Variants in FGF12 observed in about 807,000 individuals in gnomAD.
FGF12 encodes the protein fibroblast growth factor 12.
A neutral mutation model predicts 23.6 loss-of-function variants in FGF12; 14 were observed. That is an observed-to-expected ratio of 0.59 (90% CI 0.39 to 0.93). The LOEUF is 0.93. Among genes scored for constraint, FGF12 ranks in the 40% least tolerant of loss-of-function variants. FGF12 has a pLI of 0.00. For synonymous variants in FGF12, 62 were observed against 77.3 expected, an observed-to-expected ratio of 0.80 and a Z score of 1.04; for missense variants, 175 against 217.8, an observed-to-expected ratio of 0.80 and a Z score of 1.24.
chr3:192,218,398 T>C (rs1718306592), intron 4 of FGF12, among the ~76,000 whole-genome samples: 8 of 152,078 alleles, frequency 5.3e-5, no homozygotes. Context: ...TGTTGGGAGG[T>C]GATGGATCAT....
chr3:192,386,152 A>C (rs1201945940), intron 2 of FGF12, among the ~76,000 whole-genome samples: 6 of 152,224 alleles, frequency 3.9e-5, no homozygotes, highest in Non-Finnish European at 7.3e-5. Context: ...ACATGAACAC[A>C]GTCTTCTCTT....
At chr3:192,452,966 T>C (rs1722571464) in intron 2 of FGF12, among the ~76,000 whole-genome samples, 1 of 152,240 alleles carries the variant, frequency 6.6e-6, no homozygotes, top group South Asian at 2.1e-4. Context: ...TCTTTGTGTA[T>C]CTATGATGCG....
intron 4 of FGF12, among the ~76,000 whole-genome samples, chr3:192,311,321 T>A (rs529775243): frequency 6.6e-6 from 1 of 152,178 alleles, no homozygotes; most frequent in African/African-American, 2.4e-5. Context: ...CCCATCCCCA[T>A]TCAGTGCTAT....
At chr3:192,579,236 G>T (rs1011967087) in intron 2 of FGF12, among the ~76,000 whole-genome samples, 1 of 152,108 alleles carries the variant, frequency 6.6e-6, no homozygotes, top group African/African-American at 2.4e-5. Context: ...TAATAAGCCT[G>T]TTTCCAATAA....
rs138155311 is a variant in FGF12, at chr3:192,163,782, T to C, written c.427+6676A>G. ...AGATTCTATGAGCTTAAAGCACCAA[T>C]TCTAACAAAGAAAATGGAAACCATG... On this transcript the variant is annotated intron_variant, in intron 5 of 5. Coordinates refer to ENST00000445105, the MANE Select transcript of FGF12 (RefSeq NM_004113.6). 1.2e-3 allele frequency among the ~76,000 whole-genome samples: 182 copies of C among 151,826 alleles called. 8 individuals carry two copies. In the East Asian group the frequency reaches 0.032, roughly 26 times the overall value.
intron 2 of FGF12, among the ~76,000 whole-genome samples, chr3:192,531,562 G>T (rs755713763): frequency 2.0e-5 from 3 of 151,534 alleles, no homozygotes; most frequent in Non-Finnish European, 2.9e-5. Context: ...CTTTTTCTCC[G>T]GTCAGAACCT....
intron 2 of FGF12, among the ~76,000 whole-genome samples, chr3:192,390,098 C>T (rs886724977): frequency 2.0e-5 from 3 of 152,298 alleles, no homozygotes; most frequent in South Asian, 2.1e-4. Flanking sequence ...TTCTAGCACA[C>T]TATGTGAAAA....
intron 4 of FGF12, among the ~76,000 whole-genome samples, chr3:192,228,997 G>C (rs1368716299): frequency 1.3e-5 from 2 of 151,984 alleles, no homozygotes; most frequent in East Asian, 3.9e-4. Flanking sequence ...TCATGTTACA[G>C]TTGATCAGAT....
chr3:192,695,603 A>G (rs1718093397), intron 2 of FGF12, among the ~76,000 whole-genome samples: 1 of 152,188 alleles, frequency 6.6e-6, no homozygotes, highest in Non-Finnish European at 1.5e-5. Context: ...TGAGAATTCA[A>G]CCTGAGATCA....
intron 2 of FGF12, among the ~76,000 whole-genome samples, chr3:192,643,444 G>A (rs1310028529): frequency 6.6e-6 from 1 of 152,168 alleles, no homozygotes; most frequent in African/African-American, 2.4e-5. Context: ...TCTGCAATCT[G>A]GCCCCAATCT....
rs1716743659 is a variant in FGF12 at position 192,324,983 on chromosome 3, A to AG, written c.228+10377dup. Among the ~76,000 whole-genome samples, 10 of 152,328 alleles carry AG rather than the reference A, an allele frequency of 6.6e-5. No homozygotes were observed. In the South Asian group the frequency reaches 2.1e-3, roughly 32 times the overall value. ...CATTTTCCATAAGTTATAAACTCTT[A>AG]GAAAAAAAACCAACACTATTTACTA... On this transcript the variant is annotated intron_variant, in intron 4 of 5. Coordinates refer to ENST00000445105, the MANE Select transcript of FGF12 (RefSeq NM_004113.6).
At chr3:192,362,039 T>G (rs1284339466) in intron 2 of FGF12, among the ~76,000 whole-genome samples, 1 of 152,210 alleles carries the variant, frequency 6.6e-6, no homozygotes, top group East Asian at 1.9e-4. Context: ...AATCTGGAAG[T>G]TAAGCTGAAT....
At chr3:192,658,159 G>A (rs533862401) in intron 2 of FGF12, among the ~76,000 whole-genome samples, 1 of 152,162 alleles carries the variant, frequency 6.6e-6, no homozygotes, top group Admixed American at 6.6e-5. Context: ...TGGTAAATGT[G>A]CTACATAATC....
At chr3:192,452,444 C>T (rs73066302) in intron 2 of FGF12, among the ~76,000 whole-genome samples, 24 of 152,088 alleles carry the variant, frequency 1.6e-4, no homozygotes, top group South Asian at 1.5e-3. Context: ...CTCTGTGTTA[C>T]GTGCTATAGT....
rs1724738154 is a variant in FGF12 at position 192,518,680 on chromosome 3, A to G, written c.14-158142T>C. On this transcript the variant is annotated intron_variant, in intron 2 of 5. Coordinates refer to ENST00000445105, the MANE Select transcript of FGF12 (RefSeq NM_004113.6). ...ACATATAAACTAAAAGATGAAAATC[A>G]GTACGATATCTAACATGGCATTTTT... Among the ~76,000 whole-genome samples the G allele has an allele frequency of 3.3e-5, 5 of 152,358 alleles. No individual in the cohort carries two copies. In the South Asian group the frequency reaches 1.0e-3, roughly 32 times the overall value.
chr3:192,501,365 A>G (rs1437157775), intron 2 of FGF12, among the ~76,000 whole-genome samples: 1 of 152,242 alleles, frequency 6.6e-6, no homozygotes, highest in Non-Finnish European at 1.5e-5. Flanking sequence ...GGTGTTTGTT[A>G]CCATATTCTC....
At chr3:192,204,967 T>A (rs529457656) in intron 4 of FGF12, among the ~76,000 whole-genome samples, 8 of 152,214 alleles carry the variant, frequency 5.3e-5, no homozygotes, top group Non-Finnish European at 8.8e-5. Context: ...TATGCACAGC[T>A]CTGCTTCATT....
At chr3:192,395,366 C>T (rs1720474877) in intron 2 of FGF12, among the ~76,000 whole-genome samples, 1 of 152,132 alleles carries the variant, frequency 6.6e-6, no homozygotes, top group South Asian at 2.1e-4. Context: ...ATTTATCAAA[C>T]AACTACATAT....
At chr3:192,576,537 A>G (rs2108610146) in intron 2 of FGF12, among the ~76,000 whole-genome samples, 1 of 152,338 alleles carries the variant, frequency 6.6e-6, no homozygotes, top group South Asian at 2.1e-4. Context: ...TACTGAGGGG[A>G]AATCAGGTCA....
Sources: allele counts gnomAD v4.1 joint callset (sites outside exome capture counted in the v4.1 genomes callset), GRCh38; gene constraint gnomAD v4.1.1; transcripts MANE v1.5; gene names NCBI Gene and HGNC (gene_info 2026-07-23, HGNC 2026-07-21).